The following ASDURF variants were observed in gnomAD, a reference collection of about 807,000 sequenced individuals.
ASDURF encodes ASDURF protein.
ASDURF carries 3 observed loss-of-function variants against 3.3 expected under a neutral mutation model. The ratio of observed to expected loss-of-function variants is 0.92; its 90% confidence interval spans 0.42 to 2.37. The LOEUF (loss-of-function observed/expected upper bound fraction) is 2.37, where lower values mean the gene tolerates loss of function less well. Among genes scored for constraint, ASDURF ranks in the 30% most tolerant of loss-of-function variants. The pLI is 0.05. For missense variants in ASDURF, 23 were observed against 25.4 expected (o/e 0.90, Z 0.21); for synonymous variants, 11 against 8.3 (o/e 1.32, Z -0.55).
intron 3 of ASDURF, 72 bp downstream of exon 3, chr2:189,665,523 C>G (rs1378899391): frequency 2.7e-6 from 1 of 366,290 alleles, no homozygotes; most frequent in African/African-American, 2.2e-5. Flanking sequence ...AAATATATAT[C>G]TAAAGATTAA....
chr2:189,665,201 T>C (rs2032757853), intron 2 of ASDURF, among the ~76,000 whole-genome samples, 175 bp from the exon 3 acceptor site: 1 of 152,200 alleles, frequency 6.6e-6, no homozygotes, highest in African/African-American at 2.4e-5. Context: ...ATTTCAGTAG[T>C]AGCAATTTCT....
At chr2:189,663,300 C>G (rs1434780783) in intron 1 of ASDURF, among the ~76,000 whole-genome samples, 1 of 151,914 alleles carries the variant, frequency 6.6e-6, no homozygotes, top group African/African-American at 2.4e-5. Context: ...GTTGCCCAGG[C>G]TAGAGTGCAG....
At chr2:189,663,557 GTA>G (rs1427587400) in intron 1 of ASDURF, among the ~76,000 whole-genome samples, 2 of 152,164 alleles carry the variant, frequency 1.3e-5, no homozygotes, top group Non-Finnish European at 2.9e-5. Flanking sequence ...CCGGCCTGGT[GTA>G]TATCATATAT....
chr2:189,663,886 T>G lies in ASDURF; in HGVS notation c.91-15T>G, dbSNP rs1366956712. 1 of 386,870 alleles carries G rather than the reference T, an allele frequency of 2.6e-6. No individual in the cohort carries two copies. The highest frequency in any genetic ancestry group is 4.6e-6 in the Non-Finnish European group (1 of 217,784). The allele number at this position is 386,870 out of a possible 1,614,324, so 24.0% of individuals were successfully genotyped here. ...GAAAACATCTGACTTAAGGAGTTTTTCTTTATTTCAATAGATTAAAGAACA... is the reference window on the plus strand; with the variant it reads ...GAAAACATCTGACTTAAGGAGTTTTGCTTTATTTCAATAGATTAAAGAACA... On this transcript the variant is annotated splice_polypyrimidine_tract_variant and intron_variant, in intron 1 of 3. Coordinates refer to ENST00000607829, the MANE Select transcript of ASDURF (RefSeq NM_001353493.2).
At chr2:189,665,596 G>GTATATATATATATATATATATA (rs71023704) in intron 3 of ASDURF, 145 bp downstream of exon 3, 5 of 111,484 alleles carry the variant, frequency 4.5e-5, no homozygotes, top group East Asian at 2.4e-4. Context: ...ATATATATAT[G>GTATATATATATATATATATATA]TGTATATATA....
chr2:189,662,965 A>G (rs2032702560), intron 1 of ASDURF, among the ~76,000 whole-genome samples: 1 of 151,182 alleles, frequency 6.6e-6, no homozygotes, highest in Admixed American at 6.6e-5. Flanking sequence ...AAAAAAAAAA[A>G]AAAAGCCCAG....
chr2:189,663,363 C>T (rs1467465351), intron 1 of ASDURF, among the ~76,000 whole-genome samples: 1 of 152,096 alleles, frequency 6.6e-6, no homozygotes, highest in Non-Finnish European at 1.5e-5. Context: ...AAGCAGTTCT[C>T]CTGCCTCAGC....
rs1559034701 is a variant in ASDURF, at chr2:189,666,200, T to TA, written c.*90dup. The TA allele has an allele frequency of 1.2e-6, 2 of 1,610,814 alleles. No individual in the cohort carries two copies. The highest frequency in any genetic ancestry group is 4.5e-5 in the East Asian group (2 of 44,862). On this transcript the variant is annotated 3_prime_UTR_variant, in exon 4 of 4. Coordinates refer to ENST00000607829, the MANE Select transcript of ASDURF (RefSeq NM_001353493.2). ...TTCAGTCAAGATTTAAAAGAGGACT[T>TA]ACTATATAATCTTAAACAGCGGGGA...
Position 189,666,135 on chromosome 2 carries a change from G to A in ASDURF, c.*24G>A, listed in dbSNP as rs2032795988. 3.2e-6 allele frequency: 5 copies of A among 1,551,828 alleles called. No individual in the cohort carries two copies. Among genetic ancestry groups the A allele is most frequent in the East Asian group, 4.5e-5 (2 of 44,012 alleles). ...AGTCAACCTGATTTCACATAACAATGTGTGGCATTTGTTGTTCTGTAAACT... is the reference window on the plus strand; with the variant it reads ...AGTCAACCTGATTTCACATAACAATATGTGGCATTTGTTGTTCTGTAAACT... On this transcript the variant is annotated 3_prime_UTR_variant, in exon 4 of 4. Transcript: ENST00000607829.
rs1030484839 is a variant in ASDURF, at chr2:189,665,425, G to A, written c.194G>A (p.Arg65Gln). ...AGCAATATATTCTTTCTTGCAGACC[G>A]AACAGAAATGCTGTCTGAGAGCAAG... is the stretch of plus-strand genomic sequence containing the variant. ...QNSNIFFLAD[R>Q]TEMLSESKNI... Residue 65 changes from arginine to glutamine, a missense_variant, in exon 3 of 4, where the codon CGA (arginine) becomes CAA (glutamine). Coordinates refer to ENST00000607829, the MANE Select transcript of ASDURF (RefSeq NM_001353493.2). 1.5e-5 allele frequency: 6 copies of A among 397,422 alleles called. No individual in the cohort carries two copies. The highest frequency in any genetic ancestry group is 1.4e-4 in the East Asian group (4 of 27,966). The allele number at this position is 397,422 out of a possible 1,614,324, so 24.6% of individuals were successfully genotyped here.
At chr2:189,661,735 C>G (rs1160004512) in intron 1 of ASDURF, 125 bp downstream of exon 1, 3 of 397,776 alleles carry the variant, frequency 7.5e-6, no homozygotes, top group Non-Finnish European at 1.3e-5. Flanking sequence ...CTACTTTGCT[C>G]TTTTTATTCA....
intron 1 of ASDURF, among the ~76,000 whole-genome samples, chr2:189,661,819 C>A (rs943849226): frequency 2.6e-5 from 4 of 152,182 alleles, no homozygotes; most frequent in Non-Finnish European, 5.9e-5. Context: ...TGAAATTTGT[C>A]CCGAGACTGG....
At chr2:189,665,853 G>A (rs2032789239) in intron 3 of ASDURF, among the ~76,000 whole-genome samples, 188 bp from the exon 4 acceptor site, 1 of 151,802 alleles carries the variant, frequency 6.6e-6, no homozygotes, top group South Asian at 2.1e-4. Context: ...CGGCAAAACA[G>A]AAGCTATTTT....
chr2:189,665,616 A>ATATATATGTATG lies in ASDURF; in HGVS notation c.220+172_220+173insGTATGTATATAT, dbSNP rs2032778496. Among the ~76,000 whole-genome samples the ATATATATGTATG allele has an allele frequency of 2.8e-5, 3 of 107,000 alleles. No homozygotes were observed. The Admixed American group carries it at 2.8e-4, about 10-fold the overall frequency. 70.2% of individuals were successfully genotyped at this position (107,000 alleles called of 152,430 possible). Reference sequence around the variant, plus strand: ...TATATGTGTATATATATATATATATATATATATATATATATATATATATAT... The same window carrying ATATATATGTATG: ...TATATGTGTATATATATATATATATATATATATGTATGTATATATATATATATATATATATAT... On this transcript the variant is annotated intron_variant, in intron 3 of 3. Transcript: ENST00000607829.
chr2:189,662,208 C>T (rs1176830498), intron 1 of ASDURF, among the ~76,000 whole-genome samples: 1 of 152,128 alleles, frequency 6.6e-6, no homozygotes, highest in African/African-American at 2.4e-5. Context: ...TCACTCATAC[C>T]AAACTGGGGG....
chr2:189,665,571 G>T, intron 3 of ASDURF, 120 bp downstream of exon 3: 1 of 228,468 alleles, frequency 4.4e-6, no homozygotes, highest in Non-Finnish European at 7.8e-6. Flanking sequence ...GGCTTCCGAA[G>T]ATGAGTCAAC....
Position 189,665,598 on chromosome 2 carries a change from GTATATATATATATATATATA to G in ASDURF, c.220+177_220+196del, listed in dbSNP as rs869147580. The G allele has an allele frequency of 1.0e-2, 146 of 14,648 alleles. 1 individual carries two copies. Among genetic ancestry groups the G allele is most frequent in the African/African-American group, 0.016 (136 of 8,258 alleles). The allele number at this position is 14,648 out of a possible 1,614,324, so 0.9% of individuals were successfully genotyped here. A position where few individuals can be genotyped will look rare whatever the true frequency, so the allele number is the denominator to read the frequency against. On this transcript the variant is annotated intron_variant, in intron 3 of 3. Transcript: ENST00000607829. The stretch of plus-strand genomic sequence containing the variant: ...TGAGTCAACAGTTATATATATATGT[GTATATATATATATATATATA>G]TATATATATATATATATATATATAT...
chr2:189,666,326 T>C lies in ASDURF; in HGVS notation c.*215T>C, dbSNP rs755598836. The C allele has an allele frequency of 5.0e-6, 8 of 1,613,914 alleles. No homozygotes were observed. The East Asian group carries it at 1.3e-4, about 27-fold the overall frequency. On this transcript the variant is annotated 3_prime_UTR_variant, in exon 4 of 4. Coordinates refer to ENST00000607829, the MANE Select transcript of ASDURF (RefSeq NM_001353493.2). ...AGGGGTGTTTTGACTACCCAGCCTG[T>C]GGAAGATGAAAGAGGCAATGTGTTT...
rs1300656417 is a variant in ASDURF at position 189,665,614 on chromosome 2, A to ATATATG, written c.220+168_220+169insGTATAT. On this transcript the variant is annotated intron_variant, in intron 3 of 3. Transcript: ENST00000607829. ...TATATATGTGTATATATATATATAT[A>ATATATG]TATATATATATATATATATATATAT... Among the ~76,000 whole-genome samples the ATATATG allele has an allele frequency of 9.4e-5, 9 of 95,636 alleles. 1 individual carries two copies. Among genetic ancestry groups the ATATATG allele is most frequent in the African/African-American group, 2.4e-4 (6 of 24,496 alleles). 62.7% of individuals were successfully genotyped at this position (95,636 alleles called of 152,430 possible).
Sources: allele counts gnomAD v4.1 joint callset (sites outside exome capture counted in the v4.1 genomes callset), GRCh38; gene constraint gnomAD v4.1.1; transcripts MANE v1.5; gene names NCBI Gene and HGNC (gene_info 2026-07-23, HGNC 2026-07-21).